SCFD2: variants seen among roughly 807,000 people sequenced by gnomAD.
The protein encoded by SCFD2 is sec1 family domain-containing protein 2.
In SCFD2, 54 loss-of-function variants were observed where a neutral mutation model predicts 58.9. The observed-to-expected ratio is 0.92, with a 90% CI of 0.74 to 1.15. The LOEUF (loss-of-function observed/expected upper bound fraction) is 1.15, where lower values mean the gene tolerates loss of function less well. SCFD2 is among the 50% of genes most tolerant of loss of function. The probability of loss-of-function intolerance (pLI) is 0.00; values close to 1 mark genes in which losing one functional copy is unlikely to be tolerated. For missense variants in SCFD2, 805 were observed against 836.6 expected (o/e 0.96, Z 0.47); for synonymous variants, 321 against 335.9 (o/e 0.96, Z 0.49).
chr4:53,300,345 A>T (rs1732232519), intron 3 of SCFD2, among the ~76,000 whole-genome samples: 1 of 152,210 alleles, frequency 6.6e-6, no homozygotes, highest in Admixed American at 6.5e-5. Context: ...ATCAAAAGAG[A>T]CAAAGAAGGT....
At chr4:53,312,859 C>T (rs1732732204) in intron 3 of SCFD2, among the ~76,000 whole-genome samples, 1 of 151,916 alleles carries the variant, frequency 6.6e-6, no homozygotes, top group Non-Finnish European at 1.5e-5. Context: ...TGCAAACTTC[C>T]AGAAACAAAT....
intron 8 of SCFD2, among the ~76,000 whole-genome samples, chr4:52,880,704 G>T (rs1405193471): frequency 6.6e-6 from 1 of 152,240 alleles, no homozygotes; most frequent in African/African-American, 2.4e-5. Context: ...GGTGCGGCAA[G>T]CACGTGCCTT....
At chr4:52,997,787 AGG>A (rs1721778005) in intron 5 of SCFD2, among the ~76,000 whole-genome samples, 1 of 152,160 alleles carries the variant, frequency 6.6e-6, no homozygotes, top group Admixed American at 6.5e-5. Flanking sequence ...CTATTTGATG[AGG>A]AGTCTGTCTT....
chr4:53,208,744 T>C (rs1219848865), intron 4 of SCFD2, among the ~76,000 whole-genome samples: 4 of 152,222 alleles, frequency 2.6e-5, no homozygotes, highest in Non-Finnish European at 4.4e-5. Context: ...AGAAAAATCT[T>C]ATAAGTTAAA....
At chr4:53,244,782 T>A (rs546232536) in intron 4 of SCFD2, among the ~76,000 whole-genome samples, 1 of 148,738 alleles carries the variant, frequency 6.7e-6, no homozygotes, top group East Asian at 2.0e-4. Context: ...TGAAAAACCA[T>A]TCAAAAGATC....
chr4:53,109,614 T>C (rs749376600), intron 5 of SCFD2, among the ~76,000 whole-genome samples: 13 of 152,182 alleles, frequency 8.5e-5, no homozygotes, highest in Non-Finnish European at 1.5e-4. Context: ...GAACTCCCAT[T>C]CACAATTGCT....
At chr4:53,256,746 G>A (rs1042899925) in intron 4 of SCFD2, among the ~76,000 whole-genome samples, 19 of 151,894 alleles carry the variant, frequency 1.3e-4, no homozygotes, top group Non-Finnish European at 2.1e-4. Flanking sequence ...GCGTGGTGGC[G>A]GGCAGGCACT....
At chr4:53,117,421 G>A (rs1053287211) in intron 5 of SCFD2, among the ~76,000 whole-genome samples, 4 of 152,150 alleles carry the variant, frequency 2.6e-5, no homozygotes, top group Non-Finnish European at 2.9e-5. Flanking sequence ...GAGTGTTCTT[G>A]AGAAAGTTTC....
At chr4:53,194,522 A>T (rs1268309834) in intron 4 of SCFD2, among the ~76,000 whole-genome samples, 3 of 152,326 alleles carry the variant, frequency 2.0e-5, no homozygotes, top group East Asian at 3.9e-4. Flanking sequence ...ACGGATGAAC[A>T]TAGATCAAAT....
intron 5 of SCFD2, among the ~76,000 whole-genome samples, chr4:52,926,078 A>G (rs546025160): frequency 1.3e-5 from 2 of 152,196 alleles, no homozygotes; most frequent in East Asian, 3.9e-4. Flanking sequence ...GTGTGGGTCC[A>G]TTTCCAGCCC....
chr4:53,026,467 G>A (rs1352100834), intron 5 of SCFD2, among the ~76,000 whole-genome samples: 2 of 152,176 alleles, frequency 1.3e-5, no homozygotes, highest in African/African-American at 4.8e-5. Context: ...CAATTTCCTA[G>A]TGCAGTCCTG....
Position 53,331,346 on chromosome 4 carries a change from G to A in SCFD2, c.1008-17583C>T, listed in dbSNP as rs1458890099. On this transcript the variant is annotated intron_variant, in intron 2 of 8. Transcript: ENST00000401642. ...TCCAAAATTGACCACATACTTGGAA[G>A]TAAAGCTCTCCTCAGCAAATGTAAA... Among the ~76,000 whole-genome samples the A allele has an allele frequency of 5.3e-5, 8 of 152,076 alleles. No homozygotes were observed. The East Asian group carries it at 1.4e-3, about 26-fold the overall frequency.
At chr4:53,089,954 C>T (rs553558485) in intron 5 of SCFD2, among the ~76,000 whole-genome samples, 1 of 152,306 alleles carries the variant, frequency 6.6e-6, no homozygotes, top group African/African-American at 2.4e-5. Context: ...ATTTTAAAGA[C>T]ATCTGTGCCA....
intron 3 of SCFD2, among the ~76,000 whole-genome samples, chr4:53,280,514 T>A (rs1271238109): frequency 6.6e-6 from 1 of 150,578 alleles, no homozygotes; most frequent in Non-Finnish European, 1.5e-5. Context: ...AAACTCTGTC[T>A]GGAAAAAAAA....
At chr4:53,236,820 A>AT (rs1729631555) in intron 4 of SCFD2, among the ~76,000 whole-genome samples, 1 of 130,184 alleles carries the variant, frequency 7.7e-6, no homozygotes, top group Non-Finnish European at 1.6e-5. Flanking sequence ...TTATTTATTT[A>AT]TTTATTTATT....
chr4:53,090,977 C>T (rs908188020), intron 5 of SCFD2, among the ~76,000 whole-genome samples: 4 of 152,172 alleles, frequency 2.6e-5, no homozygotes, highest in African/African-American at 9.6e-5. Flanking sequence ...CTAATCTTCA[C>T]CACTGCACAA....
At chr4:53,346,754 T>C (rs927875134) in intron 2 of SCFD2, among the ~76,000 whole-genome samples, 2 of 152,166 alleles carry the variant, frequency 1.3e-5, no homozygotes, top group African/African-American at 4.8e-5. Context: ...ATAGAAGTTG[T>C]AAAGTGAAGA....
chr4:52,880,364 C>G (rs913032267), intron 8 of SCFD2, among the ~76,000 whole-genome samples: 1 of 151,616 alleles, frequency 6.6e-6, no homozygotes, highest in African/African-American at 2.4e-5. Context: ...CTCCTGTAAT[C>G]CCAGCACTTT....
intron 5 of SCFD2, among the ~76,000 whole-genome samples, chr4:53,101,765 C>T (rs1483712202): frequency 3.3e-5 from 5 of 152,020 alleles, no homozygotes; most frequent in Admixed American, 2.6e-4. Context: ...AAAGACATTC[C>T]TGGTTCTTGA....
Sources: allele counts gnomAD v4.1 joint callset (sites outside exome capture counted in the v4.1 genomes callset), GRCh38; gene constraint gnomAD v4.1.1; transcripts MANE v1.5; gene names NCBI Gene and HGNC (gene_info 2026-07-23, HGNC 2026-07-21).